The following CCDC7 variants were observed in gnomAD, a reference collection of about 807,000 sequenced individuals.
CCDC7 encodes the protein coiled-coil domain-containing protein 7.
In CCDC7, 183 loss-of-function variants were observed where a neutral mutation model predicts 196.9. The ratio of observed to expected loss-of-function variants is 0.93; its 90% confidence interval spans 0.82 to 1.05. CCDC7 has a LOEUF of 1.05. CCDC7 is among the 50% of genes least tolerant of loss of function. The probability of loss-of-function intolerance (pLI) is 0.00; values close to 1 mark genes in which losing one functional copy is unlikely to be tolerated. For missense variants in CCDC7, 1,540 were observed against 1,482.2 expected (o/e 1.04, Z -0.64); for synonymous variants, 525 against 484.6 (o/e 1.08, Z -1.10).
chr10:32,608,517 GA>G (rs1453633258), intron 18 of CCDC7, among the ~76,000 whole-genome samples: 1 of 151,730 alleles, frequency 6.6e-6, no homozygotes, highest in African/African-American at 2.4e-5. Context: ...ATTGTTTTAT[GA>G]TTTTTTTTGA....
intron 29 of CCDC7, 107 bp downstream of exon 30, chr10:32,779,191 T>C: frequency 1.3e-6 from 1 of 796,292 alleles, no homozygotes; most frequent in Non-Finnish European, 1.9e-6. Flanking sequence ...AGGAGTAGTC[T>C]TTCTCAACTT....
intron 39 of CCDC7, among the ~76,000 whole-genome samples, chr10:32,849,990 G>A (rs772325709): frequency 6.6e-6 from 1 of 152,030 alleles, no homozygotes; most frequent in South Asian, 2.1e-4. Flanking sequence ...AAGTGGGGAG[G>A]AATAATAAAA....
intron 20 of CCDC7, among the ~76,000 whole-genome samples, chr10:32,635,714 G>A (rs1017166803): frequency 6.6e-6 from 1 of 150,882 alleles, no homozygotes; most frequent in Non-Finnish European, 1.5e-5. Flanking sequence ...CTTCTGATTG[G>A]TATTTGCATG....
chr10:32,682,899 T>G (rs1001434072), intron 21 of CCDC7, among the ~76,000 whole-genome samples: 1 of 152,200 alleles, frequency 6.6e-6, no homozygotes, highest in African/African-American at 2.4e-5. Flanking sequence ...TATTACACCT[T>G]TGTTAGATGC....
chr10:32,560,703 G>A (rs2055366841), intron 13 of CCDC7, among the ~76,000 whole-genome samples: 1 of 152,266 alleles, frequency 6.6e-6, no homozygotes, highest in South Asian at 2.1e-4. Flanking sequence ...ACTGGTACCA[G>A]CCACTGCAAA....
At chr10:32,787,767 G>T (rs1406947027) in intron 29 of CCDC7, among the ~76,000 whole-genome samples, 1 of 152,046 alleles carries the variant, frequency 6.6e-6, no homozygotes, top group Non-Finnish European at 1.5e-5. Flanking sequence ...CTCCAGTTTT[G>T]TCCCACCGTC....
At chr10:32,673,654 C>CGTTGTGTGTGTGT (rs1554978967) in intron 21 of CCDC7, among the ~76,000 whole-genome samples, 9 of 147,948 alleles carry the variant, frequency 6.1e-5, no homozygotes, top group African/African-American at 2.3e-4. Flanking sequence ...CCATTGTGCA[C>CGTTGTGTGTGTGT]GTGTGTGTGT....
At chr10:32,555,680 A>G (rs2054237564) in intron 13 of CCDC7, among the ~76,000 whole-genome samples, 1 of 152,172 alleles carries the variant, frequency 6.6e-6, no homozygotes, top group Non-Finnish European at 1.5e-5. Flanking sequence ...AATCCAGTAC[A>G]ATATTCAATT....
chr10:32,630,378 C>G (rs752930340), intron 18 of CCDC7, among the ~76,000 whole-genome samples: 1 of 151,862 alleles, frequency 6.6e-6, no homozygotes, highest in Non-Finnish European at 1.5e-5. Flanking sequence ...ATATATGAAA[C>G]AAGCCCCTTA....
chr10:32,871,784 G>A (rs561064838), intron 41 of CCDC7, among the ~76,000 whole-genome samples: 1 of 152,106 alleles, frequency 6.6e-6, no homozygotes, highest in Non-Finnish European at 1.5e-5. Flanking sequence ...ATGTCCCAGA[G>A]ATTCTGGTAT....
At chr10:32,697,911 AC>A (rs2077995524) in intron 24 of CCDC7, among the ~76,000 whole-genome samples, 1 of 152,176 alleles carries the variant, frequency 6.6e-6, no homozygotes, top group Admixed American at 6.5e-5. Context: ...TAACTGGGAG[AC>A]ATCTCCCAGT....
At chr10:32,712,596 A>G (rs946858120) in intron 25 of CCDC7, among the ~76,000 whole-genome samples, 6 of 152,236 alleles carry the variant, frequency 3.9e-5, no homozygotes, top group Non-Finnish European at 5.9e-5. Flanking sequence ...TAACCTATGC[A>G]TTGATACAGA....
intron 16 of CCDC7, among the ~76,000 whole-genome samples, chr10:32,578,329 A>G (rs1037279890): frequency 6.6e-5 from 10 of 152,042 alleles, no homozygotes; most frequent in African/African-American, 2.4e-4. Context: ...TCCACAGACC[A>G]GGATGGAGGG....
chr10:32,811,845 A>T (rs578193906), intron 30 of CCDC7, among the ~76,000 whole-genome samples: 1 of 152,240 alleles, frequency 6.6e-6, no homozygotes, highest in African/African-American at 2.4e-5. Context: ...ACCAAATTCA[A>T]CAACATATCA....
chr10:32,636,973 T>C lies in CCDC7; in HGVS notation c.2014+1815T>C, dbSNP rs1282426156. On this transcript the variant is annotated intron_variant, in intron 20 of 41. Transcript: ENST00000639629. ...GTGGTTTTGATTTGCATTTCTCTGATGGCCAGTGATGATGAGCATTTTTTC... is the reference window on the plus strand; with the variant it reads ...GTGGTTTTGATTTGCATTTCTCTGACGGCCAGTGATGATGAGCATTTTTTC... Among the ~76,000 whole-genome samples, 15 of 152,340 alleles carry C rather than the reference T, an allele frequency of 9.8e-5. No homozygotes were observed. The East Asian group carries it at 2.5e-3, about 25-fold the overall frequency.
chr10:32,733,938 G>A (rs1364489914), intron 28 of CCDC7, among the ~76,000 whole-genome samples: 1 of 152,142 alleles, frequency 6.6e-6, no homozygotes, highest in Admixed American at 6.5e-5. Context: ...ACACATGTTG[G>A]TGAAGTTGTG....
chr10:32,554,696 T>G (rs968818733), intron 13 of CCDC7, among the ~76,000 whole-genome samples: 3 of 152,264 alleles, frequency 2.0e-5, no homozygotes, highest in Non-Finnish European at 4.4e-5. Context: ...AGGAGCTGTC[T>G]GCTTCCTTCA....
At chr10:32,847,289 A>G (rs1421515083) in intron 37 of CCDC7, among the ~76,000 whole-genome samples, 1 of 152,194 alleles carries the variant, frequency 6.6e-6, no homozygotes, top group Non-Finnish European at 1.5e-5. Context: ...TATACTACGG[A>G]AACTGTCAAA....
At chr10:32,648,517 A>G (rs924032324) in intron 20 of CCDC7, among the ~76,000 whole-genome samples, 1 of 152,192 alleles carries the variant, frequency 6.6e-6, no homozygotes, top group Non-Finnish European at 1.5e-5. Flanking sequence ...CCTTTGGCAT[A>G]TACCCAGTAA....
Sources: gnomAD v4.1 joint callset for allele counts (sites outside exome capture counted in the v4.1 genomes callset) on GRCh38, gnomAD v4.1.1 for gene constraint, MANE v1.5 for transcripts, NCBI Gene and HGNC (gene_info 2026-07-23, HGNC 2026-07-21) for gene names.